SLC9A9: variants seen among roughly 807,000 people sequenced by gnomAD.
SLC9A9 encodes the protein sodium/hydrogen exchanger 9.
SLC9A9 carries 62 observed loss-of-function variants against 77.8 expected under a neutral mutation model. That is an observed-to-expected ratio of 0.80 (90% CI 0.65 to 0.98). SLC9A9 has a LOEUF of 0.98. SLC9A9 is among the 50% of genes least tolerant of loss of function. The pLI, the probability that SLC9A9 is intolerant of heterozygous loss-of-function variation, is 0.00. For missense variants in SLC9A9, 775 were observed against 774.9 expected (o/e 1.00, Z 0.00); for synonymous variants, 320 against 283.5 (o/e 1.13, Z -1.29).
At chr3:143,481,903 G>A (rs953950725) in intron 11 of SLC9A9, among the ~76,000 whole-genome samples, 1 of 152,114 alleles carries the variant, frequency 6.6e-6, no homozygotes, top group Non-Finnish European at 1.5e-5. Flanking sequence ...CAATGACCTT[G>A]GTTCTTCACT....
intron 13 of SLC9A9, among the ~76,000 whole-genome samples, chr3:143,364,127 A>T (rs1390391619): frequency 6.6e-6 from 1 of 152,020 alleles, no homozygotes. Flanking sequence ...TCTTTCCCAC[A>T]AGGGCCATAA....
intron 12 of SLC9A9, among the ~76,000 whole-genome samples, chr3:143,408,733 A>G (rs751318225): frequency 7.2e-5 from 11 of 152,260 alleles, no homozygotes; most frequent in Non-Finnish European, 1.5e-4. Context: ...AAACATGAGT[A>G]TCATAACAAG....
At chr3:143,501,276 G>A (rs2035919463) in intron 9 of SLC9A9, among the ~76,000 whole-genome samples, 1 of 150,608 alleles carries the variant, frequency 6.6e-6, no homozygotes, top group South Asian at 2.1e-4. Context: ...AAGATCTATT[G>A]TTAAATAATA....
At chr3:143,821,000 C>T (rs996465915) in intron 2 of SLC9A9, among the ~76,000 whole-genome samples, 4 of 151,780 alleles carry the variant, frequency 2.6e-5, no homozygotes, top group Non-Finnish European at 5.9e-5. Flanking sequence ...CACCAGGGAG[C>T]AACTGGCCTG....
chr3:143,394,362 T>A (rs2033646302), intron 12 of SLC9A9, among the ~76,000 whole-genome samples: 1 of 152,166 alleles, frequency 6.6e-6, no homozygotes, highest in African/African-American at 2.4e-5. Context: ...CATATGATTA[T>A]CCCAATAGAA....
chr3:143,759,801 T>A (rs1347829083), intron 4 of SLC9A9, among the ~76,000 whole-genome samples: 1 of 152,150 alleles, frequency 6.6e-6, no homozygotes, highest in African/African-American at 2.4e-5. Flanking sequence ...CATTTTCTGT[T>A]ATCTTGCAGT....
At chr3:143,573,787 T>G (rs904005781) in intron 8 of SLC9A9, among the ~76,000 whole-genome samples, 1 of 152,096 alleles carries the variant, frequency 6.6e-6, no homozygotes, top group African/African-American at 2.4e-5. Context: ...AATGAAGACT[T>G]CCATTTGAAA....
chr3:143,418,253 T>C (rs1306359971), intron 12 of SLC9A9, among the ~76,000 whole-genome samples: 1 of 151,834 alleles, frequency 6.6e-6, no homozygotes, highest in Non-Finnish European at 1.5e-5. Flanking sequence ...TAAAGCAGAT[T>C]AAACTCGCTG....
intron 8 of SLC9A9, among the ~76,000 whole-genome samples, chr3:143,568,603 T>C (rs2037208436): frequency 6.6e-6 from 1 of 152,298 alleles, no homozygotes; most frequent in East Asian, 1.9e-4. Context: ...TCTGTAGGAA[T>C]ATTATTGGGC....
intron 14 of SLC9A9, among the ~76,000 whole-genome samples, chr3:143,279,431 A>G (rs148395773): frequency 0.015 from 2,263 of 152,248 alleles, 26 homozygotes; most frequent in Non-Finnish European, 0.024. Flanking sequence ...AAATTTTTTT[A>G]TTACACTTTA....
intron 6 of SLC9A9, among the ~76,000 whole-genome samples, chr3:143,635,123 G>C (rs2038496734): frequency 6.6e-6 from 1 of 152,110 alleles, no homozygotes; most frequent in Non-Finnish European, 1.5e-5. Flanking sequence ...GTATCAGCTG[G>C]GGCAGCTTGA....
intron 4 of SLC9A9, among the ~76,000 whole-genome samples, chr3:143,738,149 T>C (rs1445714941): frequency 6.6e-6 from 1 of 152,210 alleles, no homozygotes; most frequent in Admixed American, 6.5e-5. Flanking sequence ...ATTGCTAGAC[T>C]TGGGAGACAG....
chr3:143,787,118 A>G (rs1263898299), intron 4 of SLC9A9, among the ~76,000 whole-genome samples: 1 of 152,234 alleles, frequency 6.6e-6, no homozygotes, highest in Non-Finnish European at 1.5e-5. Flanking sequence ...TTATTAAAAC[A>G]CACAGACAAA....
intron 14 of SLC9A9, among the ~76,000 whole-genome samples, chr3:143,361,708 T>G (rs1018520069): frequency 1.4e-4 from 21 of 152,202 alleles, no homozygotes; most frequent in African/African-American, 5.1e-4. Flanking sequence ...AAATCTGCTT[T>G]TATTTTTGCT....
intron 2 of SLC9A9, among the ~76,000 whole-genome samples, chr3:143,828,162 G>A (rs2009346677): frequency 1.3e-5 from 2 of 152,172 alleles, no homozygotes; most frequent in Non-Finnish European, 1.5e-5. Context: ...GGACATTAAT[G>A]TATTATCCAT....
intron 13 of SLC9A9, among the ~76,000 whole-genome samples, chr3:143,365,831 G>C (rs78705929): frequency 0.037 from 5,658 of 152,248 alleles, 178 homozygotes; most frequent in East Asian, 0.18. Flanking sequence ...GCCACTGTTT[G>C]TCAACAGCAT....
chr3:143,430,983 C>G (rs1273022606), intron 12 of SLC9A9, among the ~76,000 whole-genome samples: 1 of 152,208 alleles, frequency 6.6e-6, no homozygotes, highest in Admixed American at 6.5e-5. Flanking sequence ...CAAAAAGAGC[C>G]TCATCACTGA....
rs978518076 is a variant in SLC9A9 at position 143,488,471 on chromosome 3, C to T, written c.1315+5182G>A. Among the ~76,000 whole-genome samples the T allele has an allele frequency of 2.6e-5, 4 of 152,042 alleles. No individual in the cohort carries two copies. The East Asian group carries it at 7.7e-4, about 29-fold the overall frequency. ...ATAAGAAAACCACAGACTGCTATTCCTTATGAACATAAATGCAAAATTCTC... is the reference window on the plus strand; with the variant it reads ...ATAAGAAAACCACAGACTGCTATTCTTTATGAACATAAATGCAAAATTCTC... On this transcript the variant is annotated intron_variant, in intron 11 of 15. Transcript: ENST00000316549.
chr3:143,601,782 A>G (rs902667226), intron 6 of SLC9A9, among the ~76,000 whole-genome samples: 1 of 152,208 alleles, frequency 6.6e-6, no homozygotes. Flanking sequence ...ATGACTTTGC[A>G]TGATCACTGC....
Sources: gnomAD v4.1 joint callset for allele counts (sites outside exome capture counted in the v4.1 genomes callset) on GRCh38, gnomAD v4.1.1 for gene constraint, MANE v1.5 for transcripts, NCBI Gene and HGNC (gene_info 2026-07-23, HGNC 2026-07-21) for gene names.